Variants in MTSS1 observed in about 807,000 individuals in gnomAD.
MTSS1 encodes the protein MTSS I-BAR domain containing 1, also known as protein MTSS 1.
A neutral mutation model predicts 79.0 loss-of-function variants in MTSS1; 18 were observed. The ratio of observed to expected loss-of-function variants is 0.23; its 90% CI spans 0.16 to 0.34. MTSS1 has a LOEUF of 0.34. Among genes scored for constraint, MTSS1 ranks in the 10% least tolerant of loss-of-function variants. MTSS1 has a pLI of 1.00. For synonymous variants in MTSS1, 341 were observed against 368.6 expected, an observed-to-expected ratio of 0.93 and a Z score of 0.86; for missense variants, 815 against 986.2, an observed-to-expected ratio of 0.83 and a Z score of 2.33.
chr8:124,605,810 T>C (rs1375939913), intron 3 of MTSS1, among the ~76,000 whole-genome samples: 1 of 152,188 alleles, frequency 6.6e-6, no homozygotes, highest in Non-Finnish European at 1.5e-5. Context: ...TATCATCTCT[T>C]AGGAGGTAAT....
At chr8:124,716,233 C>G (rs1425088889) in intron 1 of MTSS1, among the ~76,000 whole-genome samples, 1 of 152,164 alleles carries the variant, frequency 6.6e-6, no homozygotes, top group Non-Finnish European at 1.5e-5. Context: ...AATGCCTCAC[C>G]TCGGTCTCAG....
rs985571888 is a variant in MTSS1 at position 124,667,833 on chromosome 8, T to C, written c.208+31693A>G. ...TGGCTCACACCTATAATCCCAACAC[T>C]TTGGGAGGCCAGGGTGGGAGGATTG... On this transcript the variant is annotated intron_variant, in intron 3 of 13. Transcript: ENST00000518547. Among the ~76,000 whole-genome samples the C allele has an allele frequency of 2.6e-5, 4 of 151,712 alleles. No individual in the cohort carries two copies. In the East Asian group the frequency reaches 7.7e-4, roughly 29 times the overall value.
rs936205252 is a variant in MTSS1 at position 124,597,780 on chromosome 8, A to T, written c.209-6545T>A. Among the ~76,000 whole-genome samples, 50 of 152,242 alleles carry T rather than the reference A, an allele frequency of 3.3e-4. 2 individuals are homozygous for T. The highest frequency in any genetic ancestry group is 1.5e-5 in the Non-Finnish European group (1 of 68,040). ...GTGAAAGTGTGCCGCCGTCACAGTA[A>T]GTCACTGTGCATCTCTGCTGTTCCC... is the stretch of plus-strand genomic sequence containing the variant. On this transcript the variant is annotated intron_variant, in intron 3 of 13. Coordinates refer to ENST00000518547, the MANE Select transcript of MTSS1 (RefSeq NM_014751.6). This position sits in a 1 kb window ranked among gnomAD's most constrained non-coding sequence, Gnocchi z 4.6.
At chr8:124,686,433 T>C (rs2135113141) in intron 3 of MTSS1, among the ~76,000 whole-genome samples, 1 of 152,334 alleles carries the variant, frequency 6.6e-6, no homozygotes, top group East Asian at 1.9e-4. Context: ...CAGAGTTGTA[T>C]ACGTGCAACT....
intron 3 of MTSS1, among the ~76,000 whole-genome samples, chr8:124,669,128 T>A (rs1316979000): frequency 6.6e-6 from 1 of 152,180 alleles, no homozygotes; most frequent in Non-Finnish European, 1.5e-5. Flanking sequence ...CCCTACCACC[T>A]ACACACACCA....
chr8:124,615,245 G>T (rs1000150842), intron 3 of MTSS1, among the ~76,000 whole-genome samples: 2 of 152,160 alleles, frequency 1.3e-5, no homozygotes, highest in Non-Finnish European at 2.9e-5. Context: ...ATGCTGGGGG[G>T]TAGGCAGAGC....
intron 3 of MTSS1, among the ~76,000 whole-genome samples, chr8:124,677,038 GGAGTGCTAAGCCTA>G: frequency 1.3e-5 from 2 of 152,100 alleles, no homozygotes; most frequent in Non-Finnish European, 2.9e-5. Flanking sequence ...GAAAAAAAAG[GGAGTGCTAAGCCTA>G]CAAATTCTCT....
At chr8:124,656,143 C>T (rs1820897020) in intron 3 of MTSS1, among the ~76,000 whole-genome samples, 1 of 152,146 alleles carries the variant, frequency 6.6e-6, no homozygotes, top group African/African-American at 2.4e-5. Flanking sequence ...AGAGATAGAT[C>T]CCCGTTTTTC....
At chr8:124,697,779 G>A (rs1297541014) in intron 3 of MTSS1, among the ~76,000 whole-genome samples, 1 of 152,156 alleles carries the variant, frequency 6.6e-6, no homozygotes, top group Non-Finnish European at 1.5e-5. Flanking sequence ...AAGCTATGGA[G>A]TAATTTTTTT....
chr8:124,573,400 A>G (rs1232681592), intron 6 of MTSS1, among the ~76,000 whole-genome samples: 1 of 152,194 alleles, frequency 6.6e-6, no homozygotes, highest in African/African-American at 2.4e-5. Flanking sequence ...ATACTTATTC[A>G]CAGCACTACC....
chr8:124,707,900 G>T (rs1435666195), intron 1 of MTSS1, among the ~76,000 whole-genome samples: 1 of 152,118 alleles, frequency 6.6e-6, no homozygotes, highest in East Asian at 1.9e-4. Flanking sequence ...AAAGGAAAAG[G>T]TGAGGCATGT....
chr8:124,690,983 C>T (rs1040834654), intron 3 of MTSS1, among the ~76,000 whole-genome samples: 5 of 152,110 alleles, frequency 3.3e-5, no homozygotes, highest in Non-Finnish European at 7.3e-5. Context: ...CTGGGCTCAA[C>T]ACAAAGTCTG....
At chr8:124,691,765 C>A (rs1177256769) in intron 3 of MTSS1, among the ~76,000 whole-genome samples, 1 of 152,142 alleles carries the variant, frequency 6.6e-6, no homozygotes, top group Non-Finnish European at 1.5e-5. Context: ...ATCCACCGGC[C>A]CCTGCCTCCC....
At chr8:124,578,850 T>C (rs2132376462) in intron 6 of MTSS1, among the ~76,000 whole-genome samples, 2 of 152,152 alleles carry the variant, frequency 1.3e-5, no homozygotes, top group East Asian at 3.9e-4. Context: ...AGTGCTGGGA[T>C]TACAGGCATG....
At chr8:124,590,936 T>G (rs1436557972) in intron 4 of MTSS1, among the ~76,000 whole-genome samples, 2 of 152,248 alleles carry the variant, frequency 1.3e-5, no homozygotes, top group Non-Finnish European at 2.9e-5. Context: ...GCACAGGCTC[T>G]GTGAAGGCAG....
intron 3 of MTSS1, among the ~76,000 whole-genome samples, chr8:124,670,758 A>C (rs2134635783): frequency 6.6e-6 from 1 of 152,306 alleles, no homozygotes; most frequent in South Asian, 2.1e-4. Flanking sequence ...TTAATTACTA[A>C]GAAACCAATT....
rs1213441364 is a variant in MTSS1, at chr8:124,562,897, G to A, written c.920C>T (p.Ala307Val). 1.9e-6 allele frequency: 3 copies of A among 1,614,070 alleles called. No individual in the cohort carries two copies. Among genetic ancestry groups the A allele is most frequent in the Middle Eastern group, 1.6e-4 (1 of 6,062 alleles). ...GGACAGCCTCACAGGAGCCTGCTGG[G>A]CCAGGTTGGAGCTGCGGTAGCGGTA... ...SHYRYRSSNL[A>V]QQAPVRLSSV... The change falls in exon 10 of 14, where the codon GCC becomes GTC. Residue 307 changes from alanine (A) to valine (V), a missense_variant. By Grantham distance (64) the Ala-to-Val change is moderately conservative (BLOSUM62 0). Coordinates refer to ENST00000518547, the MANE Select transcript of MTSS1 (RefSeq NM_014751.6).
chr8:124,591,947 AT>A (rs200461140), intron 3 of MTSS1, among the ~76,000 whole-genome samples: 3,196 of 127,082 alleles, frequency 0.025, 124 homozygotes, highest in African/African-American at 0.088. Flanking sequence ...CACCCAGCTG[AT>A]TTTTTTATTT....
At chr8:124,568,295 G>A in intron 7 of MTSS1, 84 bp downstream of exon 7, 1 of 1,462,504 alleles carries the variant, frequency 6.8e-7, no homozygotes, top group South Asian at 1.3e-5. Flanking sequence ...GATTCTCCAT[G>A]ACTCAACAGT....
Sources: allele counts gnomAD v4.1 joint callset (sites outside exome capture counted in the v4.1 genomes callset), GRCh38; gene constraint gnomAD v4.1.1; non-coding constraint Gnocchi (gnomAD v3.1); transcripts MANE v1.5; gene names NCBI Gene and HGNC (gene_info 2026-07-23, HGNC 2026-07-21).